PTPN18: variants seen among roughly 807,000 people sequenced by gnomAD.
The protein encoded by PTPN18 is tyrosine-protein phosphatase non-receptor type 18.
A neutral mutation model predicts 65.4 loss-of-function variants in PTPN18; 65 were observed. The ratio of observed to expected loss-of-function variants is 0.99; its 90% CI spans 0.81 to 1.22. PTPN18 has a LOEUF of 1.22. Among genes scored for constraint, PTPN18 ranks in the 50% most tolerant of loss-of-function variants. PTPN18 has a pLI of 0.00. For missense variants in PTPN18, 616 were observed against 646.5 expected (o/e 0.95, Z 0.51); for synonymous variants, 255 against 267.8 (o/e 0.95, Z 0.47).
At chr2:130,356,319 C>T in intron 1 of PTPN18, 119 bp downstream of exon 1, 1 of 677,616 alleles carries the variant, frequency 1.5e-6, no homozygotes, top group East Asian at 3.6e-5. Context: ...CTCCCCGCCT[C>T]GGGGGGTCTC....
intron 13 of PTPN18, 169 bp from the exon 14 acceptor site, chr2:130,372,704 C>A: frequency 1.0e-6 from 1 of 985,312 alleles, no homozygotes; most frequent in Non-Finnish European, 1.5e-6. Flanking sequence ...CAATACTTGT[C>A]TTGGCCGCGC....
At chr2:130,369,926 T>G (rs899540342) in intron 7 of PTPN18, 99 bp downstream of exon 7, 1 of 1,542,870 alleles carries the variant, frequency 6.5e-7, no homozygotes, top group Non-Finnish European at 8.9e-7. Context: ...ACTTCCTCAG[T>G]TATTGTCTGG....
At chr2:130,364,748 A>T (rs1446432930) in intron 5 of PTPN18, among the ~76,000 whole-genome samples, 1 of 152,238 alleles carries the variant, frequency 6.6e-6, no homozygotes, top group Non-Finnish European at 1.5e-5. Flanking sequence ...GTGAGCCGAG[A>T]TCGCACCACC....
intron 13 of PTPN18, 83 bp from the exon 14 acceptor site, chr2:130,372,790 G>A: frequency 1.3e-6 from 2 of 1,524,006 alleles, no homozygotes; most frequent in African/African-American, 1.4e-5. Context: ...TCGGGCCTCC[G>A]GGGAAGCGTC....
At chr2:130,357,313 T>C (rs551611164) in intron 1 of PTPN18, among the ~76,000 whole-genome samples, 1 of 152,358 alleles carries the variant, frequency 6.6e-6, no homozygotes, top group South Asian at 2.1e-4. Flanking sequence ...TACATTACAG[T>C]TGATGACGTG....
chr2:130,363,455 G>C (rs1680288460), intron 5 of PTPN18, among the ~76,000 whole-genome samples: 1 of 151,726 alleles, frequency 6.6e-6, no homozygotes, highest in Non-Finnish European at 1.5e-5. Flanking sequence ...CAAAAAAAAA[G>C]AAAAAGAAAA....
In PTPN18 at chr2:130,373,280, G is replaced by A. The variant is rs919155123; in HGVS notation, c.*56G>A. 4.1e-6 allele frequency: 6 copies of A among 1,469,334 alleles called. No individual in the cohort carries two copies. The highest frequency in any genetic ancestry group is 2.4e-5 in the Admixed American group (1 of 41,324). The allele number at this position is 1,469,334 out of a possible 1,614,324, so 91.0% of individuals were successfully genotyped here. ...TGTGAGCTCGGACTGCTGATGCCCC[G>A]GTGCTGCTGAGCGCCGTGCGCAGAA... On this transcript the variant is annotated 3_prime_UTR_variant, in exon 15 of 15. Transcript: ENST00000175756. The surrounding 1 kb of genome is among the most constrained non-coding windows in gnomAD (Gnocchi z 4.1).
intron 5 of PTPN18, chr2:130,362,304 G>A (rs1395667343): frequency 9.0e-6 from 3 of 334,154 alleles, no homozygotes; most frequent in Non-Finnish European, 1.8e-5. Context: ...GACAGTCTCT[G>A]CCTTTAATTG....
intron 13 of PTPN18, 153 bp downstream of exon 13, chr2:130,372,636 C>T (rs1351939759): frequency 8.9e-7 from 1 of 1,119,564 alleles, no homozygotes; most frequent in Admixed American, 2.9e-5. Context: ...CGTCCCTGGC[C>T]ACGCCCCGGA....
chr2:130,368,157 G>T (rs1201891298), intron 5 of PTPN18, among the ~76,000 whole-genome samples: 1 of 151,838 alleles, frequency 6.6e-6, no homozygotes, highest in Non-Finnish European at 1.5e-5. Flanking sequence ...ATTTGTAATA[G>T]CCATTTTAAG....
intron 11 of PTPN18, 93 bp from the exon 12 acceptor site, chr2:130,371,106 T>C: frequency 7.2e-7 from 1 of 1,390,896 alleles, no homozygotes; most frequent in South Asian, 1.2e-5. Flanking sequence ...GGCATCCTTA[T>C]CAGGCTCTCC....
intron 1 of PTPN18, 134 bp from the exon 2 acceptor site, chr2:130,358,733 G>A (rs916396705): frequency 1.5e-6 from 1 of 675,894 alleles, no homozygotes; most frequent in Non-Finnish European, 2.6e-6. Context: ...CAGGCCCAGT[G>A]CCATCAGGGT....
chr2:130,361,725 T>C (rs1185495654), intron 5 of PTPN18, among the ~76,000 whole-genome samples: 1 of 151,906 alleles, frequency 6.6e-6, no homozygotes, highest in East Asian at 1.9e-4. Context: ...GTAGCTGGGA[T>C]TGCAGGTGCC....
chr2:130,374,869 T>A lies in PTPN18; in HGVS notation c.*1645T>A. The A allele has an allele frequency of 2.8e-6, 1 of 359,026 alleles. No homozygotes were observed. The highest frequency in any genetic ancestry group is 2.0e-5 in the South Asian group (1 of 48,914). 22.2% of individuals were successfully genotyped at this position (359,026 alleles called of 1,614,324 possible). A position where few individuals can be genotyped will look rare whatever the true frequency, so the allele number is the denominator to read the frequency against. On this transcript the variant is annotated 3_prime_UTR_variant, in exon 15 of 15. Transcript: ENST00000175756. ...CCTGCAGCCTTCAATCAAGGAATGA[T>A]GGGGATGTGTACATACCCCACCCCA... is the stretch of plus-strand genomic sequence containing the variant.
chr2:130,368,115 A>G (rs1680444373), intron 5 of PTPN18, among the ~76,000 whole-genome samples: 1 of 151,732 alleles, frequency 6.6e-6, no homozygotes, highest in Non-Finnish European at 1.5e-5. Flanking sequence ...ACTCTGCATC[A>G]TGTTCATGTT....
intron 1 of PTPN18, 28 bp from the exon 2 acceptor site, chr2:130,358,839 C>G: frequency 1.3e-6 from 2 of 1,586,706 alleles, no homozygotes; most frequent in Non-Finnish European, 1.7e-6. Context: ...CTTCTCCCCT[C>G]CCTGACCCAC....
Position 130,372,250 on chromosome 2 carries a change from C to G in PTPN18, c.1014-7C>G. 6.4e-7 allele frequency: 1 copy of G among 1,572,614 alleles called. No homozygotes were observed. The highest frequency in any genetic ancestry group is 8.6e-7 in the Non-Finnish European group (1 of 1,167,742). On this transcript the variant is annotated splice_region_variant and splice_polypyrimidine_tract_variant and intron_variant, in intron 12 of 14. Transcript: ENST00000175756. ...TTTCACTTCCTCCCGGCCCTCCCTG[C>G]CTGCAGGAGCATCTCTGTGCCCGGG...
intron 6 of PTPN18, among the ~76,000 whole-genome samples, 156 bp from the exon 7 acceptor site, chr2:130,369,605 TAATG>T (rs1680488576): frequency 6.6e-6 from 1 of 152,240 alleles, no homozygotes; most frequent in South Asian, 2.1e-4. Context: ...AATGTTTCCT[TAATG>T]AAAGCTTTGG....
Position 130,373,556 on chromosome 2 carries a change from T to C in PTPN18, c.*332T>C. 1 of 205,584 alleles carries C rather than the reference T, an allele frequency of 4.9e-6. No homozygotes were observed. The allele number at this position is 205,584 out of a possible 1,614,324, so 12.7% of individuals were successfully genotyped here. ...CTCACCACACAGCACTAGTCCATCC[T>C]CAGCACCTGAGCCTCCCTCACTTGG... On this transcript the variant is annotated 3_prime_UTR_variant, in exon 15 of 15. Coordinates refer to ENST00000175756, the MANE Select transcript of PTPN18 (RefSeq NM_014369.4). This position sits in a 1 kb window ranked among gnomAD's most constrained non-coding sequence, Gnocchi z 4.1.
Sources: gnomAD v4.1 joint callset for allele counts (sites outside exome capture counted in the v4.1 genomes callset) on GRCh38, gnomAD v4.1.1 for gene constraint, Gnocchi (gnomAD v3.1) non-coding constraint, MANE v1.5 for transcripts, NCBI Gene and HGNC (gene_info 2026-07-23, HGNC 2026-07-21) for gene names.